NUDCD3: variants seen among roughly 807,000 people sequenced by gnomAD.
NUDCD3 encodes NudC domain containing 3, also known as nudC domain-containing protein 3.
A neutral mutation model predicts 39.7 loss-of-function variants in NUDCD3; 13 were observed. That is an observed-to-expected ratio of 0.33 (90% CI 0.21 to 0.52). The LOEUF is 0.52. NUDCD3 is among the 20% of genes least tolerant of loss of function. The pLI, the probability that NUDCD3 is intolerant of heterozygous loss-of-function variation, is 0.96. For missense variants in NUDCD3, 453 were observed against 458.1 expected (o/e 0.99, Z 0.10); for synonymous variants, 175 against 172.4 (o/e 1.02, Z -0.12).
intron 2 of NUDCD3, among the ~76,000 whole-genome samples, chr7:44,456,570 A>G (rs1585091537): frequency 1.3e-5 from 2 of 152,126 alleles, no homozygotes; most frequent in Admixed American, 1.3e-4. Context: ...GGAGTTCAAG[A>G]CCAGCCTAGG....
intron 2 of NUDCD3, among the ~76,000 whole-genome samples, chr7:44,442,463 G>C (rs1225195489): frequency 6.6e-6 from 1 of 152,182 alleles, no homozygotes; most frequent in African/African-American, 2.4e-5. Context: ...GCACATGCAG[G>C]AGAGTATGCA....
intron 2 of NUDCD3, among the ~76,000 whole-genome samples, chr7:44,438,604 A>C (rs975816352): frequency 1.3e-5 from 1 of 79,234 alleles, no homozygotes; most frequent in Non-Finnish European, 2.6e-5. Context: ...GCTAATTCTG[A>C]CCCCACCCTA....
intron 2 of NUDCD3, among the ~76,000 whole-genome samples, chr7:44,457,293 T>G (rs975908860): frequency 4.6e-5 from 7 of 152,242 alleles, no homozygotes; most frequent in Non-Finnish European, 7.3e-5. Context: ...ACTATTTCTA[T>G]TCAACTTTGT....
intron 2 of NUDCD3, among the ~76,000 whole-genome samples, chr7:44,473,811 G>A (rs1800303572): frequency 6.6e-6 from 1 of 152,036 alleles, no homozygotes; most frequent in South Asian, 2.1e-4. Context: ...CAGCTAGTGG[G>A]AAATACAAAC....
rs1798347949 is a variant in NUDCD3 at position 44,383,758 on chromosome 7, T to C, written c.*2253A>G. ...CTGGCCAAACTGCGGCTGTTGTGTC[T>C]AAAAAGAGAAAACAGGCAGGGTGTG... On this transcript the variant is annotated 3_prime_UTR_variant, in exon 6 of 6. Transcript: ENST00000355451. 6.6e-6 allele frequency: 1 copy of C among 152,192 alleles called. No individual in the cohort carries two copies. Among genetic ancestry groups the C allele is most frequent in the African/African-American group, 2.4e-5 (1 of 41,424 alleles). 9.4% of individuals were successfully genotyped at this position (152,192 alleles called of 1,614,324 possible). A position where few individuals can be genotyped will look rare whatever the true frequency, so the allele number is the denominator to read the frequency against.
chr7:44,445,931 G>A (rs1799682827), intron 2 of NUDCD3, among the ~76,000 whole-genome samples: 1 of 152,226 alleles, frequency 6.6e-6, no homozygotes, highest in Non-Finnish European at 1.5e-5. Flanking sequence ...ACTAGTTGGT[G>A]ATACAACCTT....
chr7:44,463,791 A>G (rs1055509140), intron 2 of NUDCD3, among the ~76,000 whole-genome samples: 1 of 152,154 alleles, frequency 6.6e-6, no homozygotes, highest in Non-Finnish European at 1.5e-5. Context: ...AGTTTTATCT[A>G]TTTACAAAAG....
rs568233279 is a variant in NUDCD3 at position 44,398,791 on chromosome 7, G to A, written c.786+5649C>T. ...TGTTGTGGGACGTTCCTTCCGGGAA[G>A]GCACCTCAGAGCGAGGGCAGATAAC... On this transcript the variant is annotated intron_variant, in intron 4 of 5. Transcript: ENST00000355451. 2.6e-5 allele frequency among the ~76,000 whole-genome samples: 4 copies of A among 152,316 alleles called. No individual in the cohort carries two copies. In the South Asian group the frequency reaches 8.3e-4, roughly 32 times the overall value.
intron 2 of NUDCD3, among the ~76,000 whole-genome samples, chr7:44,461,609 A>G (rs1027111479): frequency 1.3e-5 from 2 of 152,174 alleles, no homozygotes; most frequent in African/African-American, 4.8e-5. Flanking sequence ...TATACCATTG[A>G]AAGTGAAGGA....
intron 4 of NUDCD3, among the ~76,000 whole-genome samples, chr7:44,400,064 C>T (rs1279061167): frequency 6.6e-6 from 1 of 152,174 alleles, no homozygotes; most frequent in Non-Finnish European, 1.5e-5. Flanking sequence ...CAGCCACCCA[C>T]GGCAGCATGG....
Position 44,490,538 on chromosome 7 carries a change from G to A in NUDCD3, c.63C>T (p.Gly21=). Residue 21 remains glycine, a synonymous_variant, in exon 1 of 6, where the codon GGC becomes GGT. Coordinates refer to ENST00000355451, the MANE Select transcript of NUDCD3 (RefSeq NM_015332.4). ...QALLGILQHV[G]NVQDFLRVLF... ...GAACGCGCAGGAAATCCTGGACGTTGCCCACGTGCTGCAGGATGCCCAAAA... is the reference window on the plus strand; with the variant it reads ...GAACGCGCAGGAAATCCTGGACGTTACCCACGTGCTGCAGGATGCCCAAAA... 3.1e-6 allele frequency: 5 copies of A among 1,612,272 alleles called. No homozygotes were observed. The South Asian group carries it at 3.3e-5, about 11-fold the overall frequency.
chr7:44,438,575 AC>A (rs1227804067), intron 2 of NUDCD3, among the ~76,000 whole-genome samples: 1 of 82,016 alleles, frequency 1.2e-5, no homozygotes, highest in East Asian at 3.5e-4. Flanking sequence ...AGACCCCCCC[AC>A]CCCACCCCAC....
At position 44,382,324 on chromosome 7, in the gene NUDCD3, A is replaced by G. The variant is rs576502192; in HGVS notation, c.*3687T>C. On this transcript the variant is annotated 3_prime_UTR_variant, in exon 6 of 6. Transcript: ENST00000355451. ...TACCCATGTAACAACCCTTGAACCTAAAGTTGGAAAGAAAAAAAAAGGTAA... is the reference window on the plus strand; with the variant it reads ...TACCCATGTAACAACCCTTGAACCTGAAGTTGGAAAGAAAAAAAAAGGTAA... 6.6e-6 allele frequency: 1 copy of G among 151,894 alleles called. No homozygotes were observed. The highest frequency in any genetic ancestry group is 1.5e-5 in the Non-Finnish European group (1 of 67,960). 9.4% of individuals were successfully genotyped at this position (151,894 alleles called of 1,614,324 possible).
chr7:44,449,562 C>T (rs1799753871), intron 2 of NUDCD3, among the ~76,000 whole-genome samples: 1 of 152,012 alleles, frequency 6.6e-6, no homozygotes, highest in African/African-American at 2.4e-5. Flanking sequence ...ATACAGGAGG[C>T]TTACTATGCA....
At chr7:44,403,174 ACAG>A (rs66914394) in intron 4 of NUDCD3, among the ~76,000 whole-genome samples, 336 of 152,354 alleles carry the variant, frequency 2.2e-3, no homozygotes, top group African/African-American at 7.9e-3. Flanking sequence ...AGGGGAGCAC[ACAG>A]GGTGAGATTT....
chr7:44,426,174 G>A (rs1799231615), intron 3 of NUDCD3: 2 of 985,414 alleles, frequency 2.0e-6, no homozygotes, highest in Non-Finnish European at 2.4e-6. Flanking sequence ...TTAAAGGGGG[G>A]TGACCGGGTG....
chr7:44,480,586 T>G (rs1028882413), intron 2 of NUDCD3, among the ~76,000 whole-genome samples: 1 of 152,168 alleles, frequency 6.6e-6, no homozygotes, highest in Non-Finnish European at 1.5e-5. Flanking sequence ...ATGGGTTCCA[T>G]AGCCCAAATC....
intron 2 of NUDCD3, among the ~76,000 whole-genome samples, chr7:44,463,951 C>T (rs1396435505): frequency 7.2e-5 from 11 of 152,078 alleles, no homozygotes; most frequent in Non-Finnish European, 5.9e-5. Context: ...CAGTGGCTCA[C>T]GCCTGTGATC....
intron 2 of NUDCD3, among the ~76,000 whole-genome samples, chr7:44,448,124 T>C (rs1309724659): frequency 6.6e-6 from 1 of 152,222 alleles, no homozygotes; most frequent in Non-Finnish European, 1.5e-5. Flanking sequence ...GGCATGACTG[T>C]AGTCTACTCC....
Sources: allele counts gnomAD v4.1 joint callset (sites outside exome capture counted in the v4.1 genomes callset), GRCh38; gene constraint gnomAD v4.1.1; transcripts MANE v1.5; gene names NCBI Gene and HGNC (gene_info 2026-07-23, HGNC 2026-07-21).